LHFPL4: variants seen among roughly 807,000 people sequenced by gnomAD.
LHFPL4 encodes the protein LHFPL tetraspan subfamily member 4 protein.
Under a neutral mutation model 20.0 loss-of-function variants are expected in LHFPL4, and 6 were observed. The ratio of observed to expected loss-of-function variants is 0.30; its 90% CI spans 0.16 to 0.59. The LOEUF is 0.59. Ranked by LOEUF, LHFPL4 falls within the 20% of genes least tolerant of loss-of-function variation. The pLI, the probability that LHFPL4 is intolerant of heterozygous loss-of-function variation, is 0.88. For synonymous variants in LHFPL4, 129 were observed against 143.8 expected (o/e 0.90, Z 0.74); for missense variants, 215 against 331.2 (o/e 0.65, Z 2.72).
intron 2 of LHFPL4, among the ~76,000 whole-genome samples, chr3:9,512,085 A>C (rs1180899882): frequency 1.3e-5 from 2 of 152,108 alleles, no homozygotes; most frequent in Non-Finnish European, 2.9e-5. Context: ...GGCGCCCGCC[A>C]CCACACCTGG....
rs765140129 is a variant in LHFPL4, at chr3:9,502,230, G to A, written c.725C>T (p.Ala242Val). 3 of 1,613,908 alleles carry A rather than the reference G, an allele frequency of 1.9e-6. No homozygotes were observed. Among genetic ancestry groups the A allele is most frequent in the South Asian group, 2.2e-5 (2 of 91,074 alleles). Reference sequence around the variant, plus strand: ...GGCCTTTCAGGGTCCCTGTGAGTGAGCCACGGGGCAGGGAAGGACTCCCCA... The same window carrying A: ...GGCCTTTCAGGGTCCCTGTGAGTGAACCACGGGGCAGGGAAGGACTCCCCA... ...SGWGVLPCPV[A>V]HSQGP is the part of the protein sequence containing the mutation. The change falls in exon 4 of 4, where the codon GCT becomes GTT. Residue 242 changes from alanine (A) to valine (V), a missense_variant. Coordinates refer to ENST00000287585, the MANE Select transcript of LHFPL4 (RefSeq NM_198560.3).
chr3:9,532,781 G>T (rs2046418626), intron 2 of LHFPL4, among the ~76,000 whole-genome samples: 1 of 152,114 alleles, frequency 6.6e-6, no homozygotes, highest in African/African-American at 2.4e-5. Flanking sequence ...TGTGCTCAGG[G>T]TCTTCTGTCC....
At chr3:9,548,843 C>T (rs1026703846) in intron 2 of LHFPL4, among the ~76,000 whole-genome samples, 17 of 152,334 alleles carry the variant, frequency 1.1e-4, no homozygotes, top group East Asian at 1.9e-4. Context: ...CAATCTGGCT[C>T]AGCCCTGGAA....
chr3:9,520,738 A>G (rs866103279), intron 2 of LHFPL4, among the ~76,000 whole-genome samples: 1 of 152,044 alleles, frequency 6.6e-6, no homozygotes, highest in African/African-American at 2.4e-5. Context: ...TCGTTCTGTT[A>G]TTGATTTATA....
Position 9,506,147 on chromosome 3 carries a change from T to A in LHFPL4, c.463A>T (p.Ile155Phe). The change falls in exon 3 of 4, where the codon ATC becomes TTC. Residue 155 changes from isoleucine to phenylalanine, a missense_variant. This residue lies in a region of LHFPL4 where 164 missense variants were observed against 286.7 expected (regional missense o/e 0.57). Coordinates refer to ENST00000287585, the MANE Select transcript of LHFPL4 (RefSeq NM_198560.3). This position sits in a 1 kb window ranked among gnomAD's most constrained non-coding sequence, Gnocchi z 4.5. ...IFPDGWDAET[I>F]RDMCGAKTGK... is the part of the protein sequence containing the mutation. ...GTCTTGGCCCCACACATGTCCCGGA[T>A]GGTCTCGGCATCCCAGCCATCAGGA... 1 of 1,614,042 alleles carries A rather than the reference T, an allele frequency of 6.2e-7. No individual in the cohort carries two copies. Among genetic ancestry groups the A allele is most frequent in the Non-Finnish European group, 8.5e-7 (1 of 1,180,010 alleles).
rs568553747 is a variant in LHFPL4 at position 9,502,211 on chromosome 3, T to A, written c.744A>T (p.Ter248CysextTer8). 8 of 1,612,884 alleles carry A rather than the reference T, an allele frequency of 5.0e-6. No homozygotes were observed. The Admixed American group carries it at 1.3e-4, about 27-fold the overall frequency. Residue 248 changes from the stop codon to cysteine, a stop_lost, in exon 4 of 4, where the codon TGA becomes TGT. Coordinates refer to ENST00000287585, the MANE Select transcript of LHFPL4 (RefSeq NM_198560.3). The stretch of plus-strand genomic sequence containing the variant: ...ATTACTGGGCTGTGATCCTGGCCTT[T>A]CAGGGTCCCTGTGAGTGAGCCACGG... ...PCPVAHSQGP[*>C]
chr3:9,504,692 G>C (rs943634118), intron 3 of LHFPL4, among the ~76,000 whole-genome samples: 4 of 152,024 alleles, frequency 2.6e-5, no homozygotes, highest in African/African-American at 9.7e-5. Context: ...GGGCGTGGTG[G>C]CGGGTGCCTG....
chr3:9,541,922 C>T (rs959714281), intron 2 of LHFPL4, among the ~76,000 whole-genome samples: 1 of 152,088 alleles, frequency 6.6e-6, no homozygotes, highest in African/African-American at 2.4e-5. Flanking sequence ...ATACAGAGTT[C>T]TCATTTGTCC....
rs527565103 is a variant in LHFPL4 at position 9,552,413 on chromosome 3, G to T, written c.267C>A (p.Ser89=). Reference sequence around the variant, plus strand: ...AGAAGGCGGCCGCCTTGAAGGCGCTGGACGGGATGGTGCTGAAGTCGGTGA... The same window carrying T: ...AGAAGGCGGCCGCCTTGAAGGCGCTTGACGGGATGGTGCTGAAGTCGGTGA... ...GSFTDFSTIP[S]SAFKAAAFFV... The change falls in exon 2 of 4, where the codon TCC becomes TCA. Residue 89 remains serine, a synonymous_variant. Transcript: ENST00000287585. 6 of 1,613,878 alleles carry T rather than the reference G, an allele frequency of 3.7e-6. No homozygotes were observed. The highest frequency in any genetic ancestry group is 2.2e-5 in the East Asian group (1 of 44,878).
At chr3:9,538,229 C>T (rs992597934) in intron 2 of LHFPL4, among the ~76,000 whole-genome samples, 3 of 152,136 alleles carry the variant, frequency 2.0e-5, no homozygotes, top group Admixed American at 6.6e-5. Flanking sequence ...GTCCATTCTC[C>T]GCAGCAGCCT....
At position 9,522,885 on chromosome 3, in the gene LHFPL4, C is replaced by CA. The variant is rs553631125; in HGVS notation, c.407-16683dup. On this transcript the variant is annotated intron_variant, in intron 2 of 3. Coordinates refer to ENST00000287585, the MANE Select transcript of LHFPL4 (RefSeq NM_198560.3). ...TGAAACCCCGTCTCTACTAAAAATA[C>CA]AAAAAATTAGCCTGGCGTGGTGGTG... Among the ~76,000 whole-genome samples the CA allele has an allele frequency of 2.4e-3, 359 of 150,888 alleles. 1 individual carries two copies. The highest frequency in any genetic ancestry group is 8.4e-3 in the African/African-American group (345 of 41,080).
intron 2 of LHFPL4, among the ~76,000 whole-genome samples, chr3:9,517,801 G>GTTTTTTTTTT (rs1162876826): frequency 2.6e-5 from 2 of 75,612 alleles, no homozygotes; most frequent in African/African-American, 7.9e-5. Context: ...GGGTTTTTTT[G>GTTTTTTTTTT]TTTTTTGTTT....
chr3:9,526,452 A>C (rs9846242), intron 2 of LHFPL4, among the ~76,000 whole-genome samples: 48,305 of 152,050 alleles, frequency 0.32, 8,130 homozygotes, highest in Non-Finnish European at 0.37. Context: ...CAAATCTGAC[A>C]ATAGTTTGAA....
intron 2 of LHFPL4, among the ~76,000 whole-genome samples, chr3:9,534,056 A>G (rs1412648557): frequency 1.3e-5 from 2 of 152,122 alleles, no homozygotes; most frequent in African/African-American, 2.4e-5. Flanking sequence ...TCTACAAAAA[A>G]TACCAAAAAA....
In LHFPL4 at chr3:9,506,516, A is replaced by C. The variant is rs940188181; in HGVS notation, c.407-313T>G. Among the ~76,000 whole-genome samples, 1 of 152,086 alleles carries C rather than the reference A, an allele frequency of 6.6e-6. No homozygotes were observed. Among genetic ancestry groups the C allele is most frequent in the Admixed American group, 6.5e-5 (1 of 15,268 alleles). Reference sequence around the variant, plus strand: ...TAGCCACCCACAGCCACCTCCTTCAACTTCCTCTAGCATCGGGACCAACTC... The same window carrying C: ...TAGCCACCCACAGCCACCTCCTTCACCTTCCTCTAGCATCGGGACCAACTC... On this transcript the variant is annotated intron_variant, in intron 2 of 3. Coordinates refer to ENST00000287585, the MANE Select transcript of LHFPL4 (RefSeq NM_198560.3). This position sits in a 1 kb window ranked among gnomAD's most constrained non-coding sequence, Gnocchi z 4.5.
chr3:9,531,214 G>A (rs2046406766), intron 2 of LHFPL4, among the ~76,000 whole-genome samples: 1 of 152,182 alleles, frequency 6.6e-6, no homozygotes, highest in African/African-American at 2.4e-5. Flanking sequence ...AAAGGTTTGA[G>A]ATATTGTGAA....
chr3:9,540,736 T>TAA (rs201333242), intron 2 of LHFPL4, among the ~76,000 whole-genome samples: 2,725 of 149,782 alleles, frequency 0.018, 89 homozygotes, highest in African/African-American at 0.063. Context: ...TTTCAAAAAT[T>TAA]TAAAAAAAAA....
intron 2 of LHFPL4, among the ~76,000 whole-genome samples, chr3:9,510,248 T>G (rs778664811): frequency 4.6e-5 from 7 of 151,614 alleles, no homozygotes; most frequent in Non-Finnish European, 8.8e-5. Context: ...GCCAGGAGTT[T>G]AAGACCAGCC....
Position 9,499,253 on chromosome 3 carries a change from CATG to C in LHFPL4, c.*2955_*2957del, listed in dbSNP as rs1360991332. 1 of 152,466 alleles carries C rather than the reference CATG, an allele frequency of 6.6e-6. No homozygotes were observed. The highest frequency in any genetic ancestry group is 1.5e-5 in the Non-Finnish European group (1 of 68,240). 9.4% of individuals were successfully genotyped at this position (152,466 alleles called of 1,614,324 possible). A position where few individuals can be genotyped will look rare whatever the true frequency, so the allele number is the denominator to read the frequency against. ...GAGGCAAACCACAAAGCCCCCTTCC[CATG>C]ATGTCTTTATTGCCCCAGGAGGGCC... On this transcript the variant is annotated 3_prime_UTR_variant, in exon 4 of 4. Transcript: ENST00000287585.
Sources: allele counts gnomAD v4.1 joint callset (sites outside exome capture counted in the v4.1 genomes callset), GRCh38; gene constraint gnomAD v4.1.1; regional missense constraint gnomAD v4.1.1; non-coding constraint Gnocchi (gnomAD v3.1); transcripts MANE v1.5; gene names NCBI Gene and HGNC (gene_info 2026-07-23, HGNC 2026-07-21).